SERGEF: variants seen among roughly 807,000 people sequenced by gnomAD.
SERGEF encodes secretion-regulating guanine nucleotide exchange factor.
SERGEF carries 51 observed loss-of-function variants against 50.0 expected under a neutral mutation model. The observed-to-expected ratio is 1.02, with a 90% CI of 0.81 to 1.29. SERGEF has a LOEUF of 1.29. SERGEF is among the 50% of genes most tolerant of loss of function. SERGEF has a pLI of 0.00. For synonymous variants in SERGEF, 205 were observed against 212.4 expected, an observed-to-expected ratio of 0.97 and a Z score of 0.30; for missense variants, 521 against 557.0, an observed-to-expected ratio of 0.94 and a Z score of 0.65.
At position 17,788,394 on chromosome 11, in the gene SERGEF, C is replaced by T. The variant is rs1849424824; in HGVS notation, c.1068G>A (p.Trp356Ter). 3 of 1,609,576 alleles carry T rather than the reference C, an allele frequency of 1.9e-6. No homozygotes were observed. The highest frequency in any genetic ancestry group is 2.5e-6 in the Non-Finnish European group (3 of 1,176,572). ...CGCACATGCCATGCTCATTCCAGCC[C>T]CAAGAGTAACACACTCCACCTGTGA... ...LAIIGGVCYS[W>*]GWNEHGMCGD... Residue 356 changes from tryptophan to a stop codon, truncating the protein, a stop_gained, in exon 11 of 11, where the codon TGG becomes TGA. Coordinates refer to ENST00000265965, the MANE Select transcript of SERGEF (RefSeq NM_012139.4). LOFTEE classifies it low-confidence loss of function (END_TRUNC).
At chr11:17,891,766 A>G (rs1046780126) in intron 9 of SERGEF, among the ~76,000 whole-genome samples, 1 of 152,212 alleles carries the variant, frequency 6.6e-6, no homozygotes, top group Non-Finnish European at 1.5e-5. Context: ...AGAGTGGTAT[A>G]TCTTGTAAGG....
chr11:18,006,629 T>C lies in SERGEF; in HGVS notation c.314A>G (p.Gln105Arg), dbSNP rs34960078. The C allele has an allele frequency of 2.9e-4, 462 of 1,614,064 alleles. 1 individual carries two copies. The African/African-American group carries it at 5.4e-3, about 19-fold the overall frequency. ...CKSLFGCPIQ[Q>R]VACGWDFTIM... Reference sequence around the variant, plus strand: ...CGTAAAATCCCAGCCACAGGCCACCTGTTGGATGGGACAGCCAAAGAGGGA... The same window carrying C: ...CGTAAAATCCCAGCCACAGGCCACCCGTTGGATGGGACAGCCAAAGAGGGA... Residue 105 changes from glutamine (Q) to arginine (R), a missense_variant, in exon 3 of 11, where the codon CAG becomes CGG. Physicochemically the swap from Gln to Arg is conservative, Grantham distance 43. Coordinates refer to ENST00000265965, the MANE Select transcript of SERGEF (RefSeq NM_012139.4).
chr11:17,883,589 G>A (rs77151220), intron 9 of SERGEF, among the ~76,000 whole-genome samples: 320 of 152,336 alleles, frequency 2.1e-3, no homozygotes, highest in Non-Finnish European at 3.7e-3. Flanking sequence ...CACAGCTAGC[G>A]GAGGTGCAGG....
chr11:17,981,040 G>A (rs1254705280), intron 8 of SERGEF, among the ~76,000 whole-genome samples: 2 of 152,140 alleles, frequency 1.3e-5, no homozygotes, highest in African/African-American at 4.8e-5. Flanking sequence ...CCTTCCCAAA[G>A]CCCAACCACA....
intron 4 of SERGEF, among the ~76,000 whole-genome samples, chr11:18,001,509 C>T (rs1300872635): frequency 3.9e-5 from 6 of 152,164 alleles, no homozygotes; most frequent in African/African-American, 1.4e-4. Flanking sequence ...ACCATTAGGG[C>T]TTTACCACAT....
At chr11:17,976,077 A>G (rs1853367317) in intron 8 of SERGEF, among the ~76,000 whole-genome samples, 2 of 152,286 alleles carry the variant, frequency 1.3e-5, no homozygotes, top group Non-Finnish European at 1.5e-5. Context: ...TTCAGGCCCA[A>G]TGACTTGCCC....
chr11:17,970,921 A>G (rs2133980729), intron 8 of SERGEF, among the ~76,000 whole-genome samples: 1 of 152,292 alleles, frequency 6.6e-6, no homozygotes, highest in Non-Finnish European at 1.5e-5. Context: ...AGGACCGGTC[A>G]TGGTGGCTCA....
chr11:17,846,667 T>C (rs553165024), intron 10 of SERGEF: 8 of 456,152 alleles, frequency 1.8e-5, no homozygotes, highest in African/African-American at 8.0e-5. Context: ...CCATGACACA[T>C]GAACACTGTG....
chr11:17,960,300 A>C (rs547456618), intron 8 of SERGEF, among the ~76,000 whole-genome samples: 2 of 152,350 alleles, frequency 1.3e-5, no homozygotes, highest in East Asian at 3.9e-4. Context: ...CCCCAGATGC[A>C]CCACATGGGA....
intron 9 of SERGEF, among the ~76,000 whole-genome samples, chr11:17,880,069 G>A (rs776384611): frequency 9.2e-5 from 14 of 152,340 alleles, no homozygotes; most frequent in Middle Eastern, 3.4e-3. Context: ...AGAAGGGGCA[G>A]CAAGGCCTCC....
chr11:17,845,392 A>C (rs1289317893), intron 10 of SERGEF, among the ~76,000 whole-genome samples: 2 of 152,212 alleles, frequency 1.3e-5, no homozygotes, highest in Non-Finnish European at 2.9e-5. Context: ...AGTAGAGCTC[A>C]CTGTTAGAAA....
chr11:17,863,800 G>C (rs1254721803), intron 10 of SERGEF: 2 of 152,220 alleles, frequency 1.3e-5, no homozygotes, highest in African/African-American at 4.8e-5. Flanking sequence ...GAGAGAATGA[G>C]AAAATATTGC....
intron 10 of SERGEF, among the ~76,000 whole-genome samples, chr11:17,819,294 G>A (rs1041603311): frequency 2.6e-5 from 4 of 152,220 alleles, no homozygotes; most frequent in South Asian, 2.1e-4. Flanking sequence ...GCATGTAGGT[G>A]TATGTGTTAT....
chr11:17,843,145 G>A (rs545211855), intron 10 of SERGEF, among the ~76,000 whole-genome samples: 9 of 152,168 alleles, frequency 5.9e-5, no homozygotes, highest in Non-Finnish European at 1.3e-4. Context: ...GATATGCCCA[G>A]GGTTGAGCAA....
At chr11:17,823,950 C>T (rs964836742) in intron 10 of SERGEF, among the ~76,000 whole-genome samples, 4 of 152,144 alleles carry the variant, frequency 2.6e-5, no homozygotes, top group African/African-American at 9.7e-5. Context: ...TGTAACTAGG[C>T]TCTGGCCAGT....
At chr11:17,882,853 G>A in intron 9 of SERGEF, among the ~76,000 whole-genome samples, 1 of 152,160 alleles carries the variant, frequency 6.6e-6, no homozygotes. Context: ...GCAGAGTAGG[G>A]TTCTTCTGGC....
chr11:17,837,787 A>G (rs1287197899), intron 10 of SERGEF, among the ~76,000 whole-genome samples: 1 of 150,294 alleles, frequency 6.7e-6, no homozygotes, highest in African/African-American at 2.5e-5. Context: ...CAGCCTCCTG[A>G]GTATCTGGGA....
At chr11:17,867,110 T>C (rs1462845324) in intron 10 of SERGEF, among the ~76,000 whole-genome samples, 1 of 152,224 alleles carries the variant, frequency 6.6e-6, no homozygotes, top group Non-Finnish European at 1.5e-5. Flanking sequence ...AAACCAATCA[T>C]GTTTTCTTAA....
intron 10 of SERGEF, among the ~76,000 whole-genome samples, chr11:17,810,593 A>G (rs1424443975): frequency 6.6e-6 from 1 of 152,220 alleles, no homozygotes; most frequent in Non-Finnish European, 1.5e-5. Context: ...CATTCCCTTG[A>G]TGAGCTTCCC....
Sources: gnomAD v4.1 joint callset for allele counts (sites outside exome capture counted in the v4.1 genomes callset) on GRCh38, gnomAD v4.1.1 for gene constraint, MANE v1.5 for transcripts, NCBI Gene and HGNC (gene_info 2026-07-23, HGNC 2026-07-21) for gene names.